Variants in ISM2 observed in about 807,000 individuals in gnomAD.
The protein encoded by ISM2 is isthmin-2.
A neutral mutation model predicts 58.0 loss-of-function variants in ISM2; 50 were observed. That is an observed-to-expected ratio of 0.86 (90% CI 0.69 to 1.09). The LOEUF (loss-of-function observed/expected upper bound fraction) is 1.09. Ranked by LOEUF, ISM2 falls within the 50% of genes least tolerant of loss-of-function variation. ISM2 has a pLI of 0.00. For synonymous variants in ISM2, 303 were observed against 312.4 expected, an observed-to-expected ratio of 0.97 and a Z score of 0.32; for missense variants, 723 against 745.0, an observed-to-expected ratio of 0.97 and a Z score of 0.34.
intron 1 of ISM2, among the ~76,000 whole-genome samples, chr14:77,488,833 T>G (rs1400841979): frequency 6.6e-6 from 1 of 152,178 alleles, no homozygotes; most frequent in Non-Finnish European, 1.5e-5. Context: ...ACTCGGCAGG[T>G]GTATCCTCAT....
chr14:77,476,880 A>G (rs1222665208), intron 6 of ISM2, among the ~76,000 whole-genome samples: 1 of 152,190 alleles, frequency 6.6e-6, no homozygotes, highest in African/African-American at 2.4e-5. Context: ...TCTACAAAAA[A>G]TACAGAAATT....
chr14:77,476,093 C>T lies in ISM2; in HGVS notation c.1218G>A (p.Lys406=), dbSNP rs905025229. 1.3e-6 allele frequency: 2 copies of T among 1,523,300 alleles called. No individual in the cohort carries two copies. The highest frequency in any genetic ancestry group is 1.8e-6 in the Non-Finnish European group (2 of 1,139,202). 94.4% of individuals were successfully genotyped at this position (1,523,300 alleles called of 1,614,324 possible). The change falls in exon 7 of 7, where the codon AAG becomes AAA. Residue 406 remains lysine, a synonymous_variant. Coordinates refer to ENST00000342219, the MANE Select transcript of ISM2 (RefSeq NM_199296.3). Reference sequence around the variant, plus strand: ...GGAAGTCGCTCTTGCAGTTCAGCCACTTCTCACAGCTGTCCACATCTGCAA... The same window carrying T: ...GGAAGTCGCTCTTGCAGTTCAGCCATTTCTCACAGCTGTCCACATCTGCAA... ...MHDQDVDSCE[K]WLNCKSDFLI...
intron 1 of ISM2, among the ~76,000 whole-genome samples, chr14:77,489,430 G>C (rs537930509): frequency 1.1e-4 from 16 of 152,088 alleles, no homozygotes; most frequent in Non-Finnish European, 2.4e-4. Context: ...CTCTTTAGCC[G>C]GGCCTGAGAC....
chr14:77,484,547 G>A lies in ISM2; in HGVS notation c.403C>T (p.Pro135Ser). ...PDTQASASPDPRPLREEEEAR... is the reference protein window; with the variant it reads ...PDTQASASPDSRPLREEEEAR... The stretch of plus-strand genomic sequence containing the variant: ...TCCTCCTCTTCCCTCAGAGGCCTAG[G>A]ATCTGGGGAGGCTGAAGCCTGAGGA... The change falls in exon 3 of 7, where the codon CCT (proline) becomes TCT (serine). Residue 135 changes from proline to serine, a missense_variant. By Grantham distance (74) the Pro-to-Ser change is moderately conservative. Coordinates refer to ENST00000342219, the MANE Select transcript of ISM2 (RefSeq NM_199296.3). The A allele has an allele frequency of 1.3e-6, 2 of 1,598,002 alleles. No individual in the cohort carries two copies. Among genetic ancestry groups the A allele is most frequent in the Non-Finnish European group, 1.7e-6 (2 of 1,172,200 alleles).
intron 4 of ISM2, 69 bp downstream of exon 4, chr14:77,482,252 TC>T: frequency 8.2e-7 from 1 of 1,220,540 alleles, no homozygotes; most frequent in Non-Finnish European, 1.2e-6. Context: ...CTCCACCCTC[TC>T]CCTCACCCCC....
chr14:77,475,771 T>C lies in ISM2; in HGVS notation c.1540A>G (p.Ser514Gly). The C allele has an allele frequency of 1.2e-6, 2 of 1,613,602 alleles. No homozygotes were observed. The highest frequency in any genetic ancestry group is 1.7e-6 in the Non-Finnish European group (2 of 1,179,908). ...GKGAGMPNLI[S>G]TDFSPKLHFK... is the part of the protein sequence containing the mutation. The stretch of plus-strand genomic sequence containing the variant: ...TGCAGCTTAGGTGAGAAGTCGGTGC[T>C]GATGAGGTTGGGCATGCCGGCGCCC... The change falls in exon 7 of 7, where the codon AGC becomes GGC. Residue 514 changes from serine (S) to glycine (G), a missense_variant. By Grantham distance (56) the Ser-to-Gly change is moderately conservative. Transcript: ENST00000342219. The surrounding 1 kb of genome is among the most constrained non-coding windows in gnomAD (Gnocchi z 4.1).
Position 77,478,565 on chromosome 14 carries a change from CTCA to C in ISM2, c.1114+7_1114+9del. ...AGCCACTCCTATGCAGGGGTAGGGGCTCATCTCACCAGGACAGGAGGGCAGGTC... is the reference window on the plus strand; with the variant it reads ...AGCCACTCCTATGCAGGGGTAGGGGCTCTCACCAGGACAGGAGGGCAGGTC... On this transcript the variant is annotated splice_region_variant and intron_variant, in intron 5 of 6. Coordinates refer to ENST00000342219, the MANE Select transcript of ISM2 (RefSeq NM_199296.3). 1 of 1,609,430 alleles carries C rather than the reference CTCA, an allele frequency of 6.2e-7. No individual in the cohort carries two copies. The highest frequency in any genetic ancestry group is 1.1e-5 in the South Asian group (1 of 90,948).
intron 4 of ISM2, 37 bp downstream of exon 4, chr14:77,482,285 G>T: frequency 6.6e-7 from 1 of 1,519,832 alleles, no homozygotes; most frequent in Non-Finnish European, 9.0e-7. Flanking sequence ...GTACCTACAG[G>T]GGAGCAGCCT....
Position 77,475,248 on chromosome 14 carries a change from T to C in ISM2, c.*347A>G, listed in dbSNP as rs1161409081. On this transcript the variant is annotated 3_prime_UTR_variant, in exon 7 of 7. Transcript: ENST00000342219. The surrounding 1 kb of genome is among the most constrained non-coding windows in gnomAD (Gnocchi z 4.1). ...CTGGAGCTGCTGGCTAACACTTATG[T>C]GCAGAGCCAGGGCAGAAGAGCCCAG... 5.4e-6 allele frequency: 1 copy of C among 185,824 alleles called. No homozygotes were observed. The highest frequency in any genetic ancestry group is 1.1e-5 in the Non-Finnish European group (1 of 91,244). The allele number at this position is 185,824 out of a possible 1,614,324, so 11.5% of individuals were successfully genotyped here. A position where few individuals can be genotyped will look rare whatever the true frequency, so the allele number is the denominator to read the frequency against.
Position 77,493,467 on chromosome 14 carries a change from TA to T in ISM2, c.141+5185del, listed in dbSNP as rs1294514897. 2.7e-3 allele frequency among the ~76,000 whole-genome samples: 414 copies of T among 151,716 alleles called. 2 individuals carry two copies. Among genetic ancestry groups the T allele is most frequent in the African/African-American group, 9.4e-3 (388 of 41,372 alleles). ...TTTGTTCACAAGGCTAATTATTTATTATTATTTTTTTTGAGAGGGAGTCTTG... is the reference window on the plus strand; with the variant it reads ...TTTGTTCACAAGGCTAATTATTTATTTTATTTTTTTTGAGAGGGAGTCTTG... On this transcript the variant is annotated intron_variant, in intron 1 of 6. Coordinates refer to ENST00000342219, the MANE Select transcript of ISM2 (RefSeq NM_199296.3).
intron 4 of ISM2, among the ~76,000 whole-genome samples, chr14:77,480,559 T>C (rs2079125695): frequency 7.0e-6 from 1 of 142,122 alleles, no homozygotes; most frequent in Admixed American, 7.0e-5. Flanking sequence ...TTTTTTTTTT[T>C]TTTTTTTTTT....
intron 1 of ISM2, among the ~76,000 whole-genome samples, chr14:77,495,172 G>A (rs754807214): frequency 2.6e-5 from 4 of 152,152 alleles, no homozygotes; most frequent in Non-Finnish European, 5.9e-5. Context: ...TTACAGGTGT[G>A]AGCCACCACG....
chr14:77,482,327 C>T lies in ISM2; in HGVS notation c.968G>A (p.Ser323Asn). ...GCCAAGATGGGGGTGCTCACCGTAG[C>T]TGACAGAATCCTTGAAGACCCAATC... ...PGDWVFKDSV[S>N]YDYEPQKEWS... The change falls in exon 4 of 7, where the codon AGC (serine) becomes AAC (asparagine). Residue 323 changes from serine to asparagine, a missense_variant. Coordinates refer to ENST00000342219, the MANE Select transcript of ISM2 (RefSeq NM_199296.3). 6.2e-7 allele frequency: 1 copy of T among 1,611,706 alleles called. No individual in the cohort carries two copies.
chr14:77,497,769 GGGAAGGAA>G (rs1177768719), intron 1 of ISM2, among the ~76,000 whole-genome samples: 1,545 of 85,884 alleles, frequency 0.018, 75 homozygotes, highest in African/African-American at 0.08. Flanking sequence ...GAGGGAGGGA[GGGAAGGAA>G]GGAAGGAAGG....
chr14:77,485,231 A>G (rs2079160734), intron 1 of ISM2, among the ~76,000 whole-genome samples: 1 of 152,230 alleles, frequency 6.6e-6, no homozygotes, highest in Non-Finnish European at 1.5e-5. Flanking sequence ...CCACAGCCCA[A>G]GAAGGGGAGA....
In ISM2 at chr14:77,475,578, G is replaced by A; in HGVS notation, c.*17C>T. 6.5e-7 allele frequency: 1 copy of A among 1,539,066 alleles called. No individual in the cohort carries two copies. Among genetic ancestry groups the A allele is most frequent in the South Asian group, 1.3e-5 (1 of 79,000 alleles). On this transcript the variant is annotated 3_prime_UTR_variant, in exon 7 of 7. Coordinates refer to ENST00000342219, the MANE Select transcript of ISM2 (RefSeq NM_199296.3). The surrounding 1 kb of genome is among the most constrained non-coding windows in gnomAD (Gnocchi z 4.1). ...CGCCTGCCCTCTCCCTGCAGTGTCT[G>A]TTCAGCAACCCCGTCACTAGTACTC...
At chr14:77,492,289 G>C (rs1594954482) in intron 1 of ISM2, among the ~76,000 whole-genome samples, 1 of 152,140 alleles carries the variant, frequency 6.6e-6, no homozygotes, top group Non-Finnish European at 1.5e-5. Flanking sequence ...GTGCCCAGGG[G>C]CTCTGGAATT....
intron 1 of ISM2, among the ~76,000 whole-genome samples, chr14:77,486,009 C>T (rs898796569): frequency 3.3e-5 from 5 of 152,236 alleles, no homozygotes; most frequent in African/African-American, 9.6e-5. Context: ...GCACACCAGG[C>T]ACTATTCTAA....
chr14:77,496,923 T>C (rs1289502298), intron 1 of ISM2, among the ~76,000 whole-genome samples: 1 of 143,894 alleles, frequency 6.9e-6, no homozygotes, highest in Non-Finnish European at 1.5e-5. Context: ...TACAGACACA[T>C]CCTCAAGTGC....
Sources: allele counts gnomAD v4.1 joint callset (sites outside exome capture counted in the v4.1 genomes callset), GRCh38; gene constraint gnomAD v4.1.1; non-coding constraint Gnocchi (gnomAD v3.1); transcripts MANE v1.5; gene names NCBI Gene and HGNC (gene_info 2026-07-23, HGNC 2026-07-21).